Variants in ADGRL2 observed in about 807,000 individuals in gnomAD.
ADGRL2 encodes adhesion G protein-coupled receptor L2.
Under a neutral mutation model 157.4 loss-of-function variants are expected in ADGRL2, and 44 were observed. The observed-to-expected ratio is 0.28, with a 90% CI of 0.22 to 0.36. ADGRL2 has a LOEUF of 0.36. Among genes scored for constraint, ADGRL2 ranks in the 10% least tolerant of loss-of-function variants. The probability of loss-of-function intolerance (pLI) is 1.00; values close to 1 mark genes in which losing one functional copy is unlikely to be tolerated. For synonymous variants in ADGRL2, 585 were observed against 624.7 expected (o/e 0.94, Z 0.95); for missense variants, 1,510 against 1,768.9 (o/e 0.85, Z 2.63).
intron 17 of ADGRL2, among the ~76,000 whole-genome samples, chr1:81,978,032 A>C (rs530069017): frequency 6.6e-6 from 1 of 151,718 alleles, no homozygotes; most frequent in African/African-American, 2.4e-5. Flanking sequence ...TCTTGTTTTT[A>C]ACCATTCTTG....
At chr1:81,803,979 CTAAG>C (rs1212240627) in intron 1 of ADGRL2, among the ~76,000 whole-genome samples, 1 of 152,092 alleles carries the variant, frequency 6.6e-6, no homozygotes, top group African/African-American at 2.4e-5. Context: ...TTGTCTCTTG[CTAAG>C]TCAGGTTTGA....
At chr1:81,533,326 C>G (rs1240257279) in intron 2 of ADGRL2, among the ~76,000 whole-genome samples, 1 of 152,128 alleles carries the variant, frequency 6.6e-6, no homozygotes, top group Non-Finnish European at 1.5e-5. Flanking sequence ...TTGCGGTGAG[C>G]CAAGATTGTG....
chr1:81,328,293 G>A (rs1661035413), intron 1 of ADGRL2, among the ~76,000 whole-genome samples: 1 of 152,042 alleles, frequency 6.6e-6, no homozygotes, highest in African/African-American at 2.4e-5. Flanking sequence ...AATTTTCATT[G>A]GAGGGAAGAA....
At chr1:81,832,292 C>A (rs895669465) in intron 1 of ADGRL2, among the ~76,000 whole-genome samples, 1 of 152,140 alleles carries the variant, frequency 6.6e-6, no homozygotes, top group African/African-American at 2.4e-5. Flanking sequence ...CAGGCATGCA[C>A]CACCATGTCC....
intron 3 of ADGRL2, among the ~76,000 whole-genome samples, chr1:81,677,018 C>T (rs1161062357): frequency 6.2e-5 from 9 of 146,116 alleles, no homozygotes; most frequent in Non-Finnish European, 1.2e-4. Flanking sequence ...CAGAGTTTCG[C>T]TCTTGTTGCC....
At chr1:81,967,819 T>A (rs543488555) in intron 13 of ADGRL2, among the ~76,000 whole-genome samples, 1 of 152,334 alleles carries the variant, frequency 6.6e-6, no homozygotes, top group South Asian at 2.1e-4. Context: ...TAATTTAAAG[T>A]ACACTTTAGA....
intron 2 of ADGRL2, among the ~76,000 whole-genome samples, chr1:81,838,101 T>C (rs765910700): frequency 3.3e-5 from 5 of 152,030 alleles, no homozygotes; most frequent in Non-Finnish European, 5.9e-5. Flanking sequence ...AGAAGGGGCA[T>C]ACTGTCAACT....
At chr1:81,846,110 A>C in intron 2 of ADGRL2, among the ~76,000 whole-genome samples, 1 of 152,104 alleles carries the variant, frequency 6.6e-6, no homozygotes, top group South Asian at 2.1e-4. Flanking sequence ...CTAACATTAA[A>C]CCAACCAGTA....
intron 2 of ADGRL2, among the ~76,000 whole-genome samples, chr1:81,763,229 G>A (rs1557630157): frequency 6.6e-6 from 1 of 151,668 alleles, no homozygotes; most frequent in African/African-American, 2.4e-5. Flanking sequence ...TTTATTATTA[G>A]ATAAATACGT....
intron 2 of ADGRL2, among the ~76,000 whole-genome samples, chr1:81,787,008 G>A (rs531576329): frequency 5.3e-4 from 81 of 152,224 alleles, no homozygotes; most frequent in African/African-American, 1.8e-3. Flanking sequence ...CCCCTATACT[G>A]TTCTCGTGGT....
At chr1:81,577,457 T>A (rs1289960376) in intron 2 of ADGRL2, among the ~76,000 whole-genome samples, 3 of 152,202 alleles carry the variant, frequency 2.0e-5, no homozygotes, top group African/African-American at 7.2e-5. Context: ...TTTTCTCTAA[T>A]GTCTCGCTAG....
chr1:81,485,072 A>G (rs1204940696), intron 2 of ADGRL2, among the ~76,000 whole-genome samples: 1 of 152,114 alleles, frequency 6.6e-6, no homozygotes, highest in Non-Finnish European at 1.5e-5. Flanking sequence ...AAACTGCAAT[A>G]TTCAAATGTC....
intron 2 of ADGRL2, among the ~76,000 whole-genome samples, chr1:81,884,384 A>G (rs1202361173): frequency 6.6e-6 from 1 of 152,188 alleles, no homozygotes; most frequent in Non-Finnish European, 1.5e-5. Context: ...GACTGAATAT[A>G]GTTTCCTAAG....
intron 2 of ADGRL2, among the ~76,000 whole-genome samples, chr1:81,845,800 AAG>A (rs932687498): frequency 6.6e-6 from 1 of 151,890 alleles, no homozygotes; most frequent in African/African-American, 2.4e-5. Context: ...CTTCAAATAG[AAG>A]AGAGAAATTC....
chr1:81,986,367 A>G (rs1490904060), intron 21 of ADGRL2, among the ~76,000 whole-genome samples: 2 of 151,962 alleles, frequency 1.3e-5, no homozygotes, highest in African/African-American at 4.8e-5. Context: ...TTTTCTCAGC[A>G]TGTGTGCTTT....
At chr1:81,476,782 T>C (rs1482808309) in intron 2 of ADGRL2, among the ~76,000 whole-genome samples, 1 of 152,226 alleles carries the variant, frequency 6.6e-6, no homozygotes. Flanking sequence ...GCAGTCATTC[T>C]ACCTTTTTCT....
intron 3 of ADGRL2, among the ~76,000 whole-genome samples, chr1:81,666,563 G>A (rs1409573221): frequency 6.6e-6 from 1 of 152,128 alleles, no homozygotes; most frequent in East Asian, 1.9e-4. Context: ...GACTGACCCT[G>A]CTAGTTCAAC....
intron 1 of ADGRL2, among the ~76,000 whole-genome samples, chr1:81,339,691 T>C (rs1299561092): frequency 6.6e-6 from 1 of 152,184 alleles, no homozygotes; most frequent in Non-Finnish European, 1.5e-5. Context: ...GATTGACTAC[T>C]ATGGCATTAG....
intron 1 of ADGRL2, among the ~76,000 whole-genome samples, chr1:81,340,198 A>G (rs991286303): frequency 1.3e-5 from 2 of 152,234 alleles, no homozygotes; most frequent in Non-Finnish European, 2.9e-5. Flanking sequence ...AAAGTAATTT[A>G]AAGATAGCAT....
Sources: gnomAD v4.1 joint callset for allele counts (sites outside exome capture counted in the v4.1 genomes callset) on GRCh38, gnomAD v4.1.1 for gene constraint, MANE v1.5 for transcripts, NCBI Gene and HGNC (gene_info 2026-07-23, HGNC 2026-07-21) for gene names.